Variants in CNTN4 observed in about 807,000 individuals in gnomAD.
The protein encoded by CNTN4 is contactin 4.
CNTN4 carries 77 observed loss-of-function variants against 122.5 expected under a neutral mutation model. That is an observed-to-expected ratio of 0.63 (90% CI 0.52 to 0.76). CNTN4 has a LOEUF of 0.76. Ranked by LOEUF, CNTN4 falls within the 30% of genes least tolerant of loss-of-function variation. The pLI is 0.00. For synonymous variants in CNTN4, 512 were observed against 447.0 expected (o/e 1.15, Z -1.83); for missense variants, 1,256 against 1,259.1 (o/e 1.00, Z 0.04).
intron 3 of CNTN4, among the ~76,000 whole-genome samples, chr3:2,423,959 G>GAGAGATAGC (rs1553645467): frequency 1.3e-4 from 5 of 39,464 alleles, no homozygotes; most frequent in Non-Finnish European, 1.8e-4. Context: ...GGTTTTTTTT[G>GAGAGATAGC]ATTAGGCAAC....
intron 4 of CNTN4, among the ~76,000 whole-genome samples, chr3:2,691,916 A>G (rs1022392877): frequency 6.6e-6 from 1 of 152,196 alleles, no homozygotes; most frequent in South Asian, 2.1e-4. Context: ...ACAGAAATAT[A>G]TGTCAACATA....
chr3:2,960,107 G>T (rs555240171), intron 13 of CNTN4, among the ~76,000 whole-genome samples: 14 of 152,224 alleles, frequency 9.2e-5, no homozygotes, highest in African/African-American at 3.1e-4. Flanking sequence ...ACCTTCTTAG[G>T]TGTGGGTTCT....
intron 6 of CNTN4, among the ~76,000 whole-genome samples, chr3:2,757,024 T>A (rs572896498): frequency 6.6e-6 from 1 of 152,170 alleles, no homozygotes; most frequent in Non-Finnish European, 1.5e-5. Flanking sequence ...TTTAAAAAAA[T>A]CTTTGAATGA....
intron 14 of CNTN4, among the ~76,000 whole-genome samples, chr3:2,995,143 C>A (rs1695418744): frequency 6.6e-6 from 1 of 152,026 alleles, no homozygotes; most frequent in South Asian, 2.1e-4. Flanking sequence ...AATACTAGAT[C>A]CTGTTAGATC....
intron 4 of CNTN4, among the ~76,000 whole-genome samples, chr3:2,648,863 G>C (rs1372093508): frequency 6.6e-6 from 1 of 152,182 alleles, no homozygotes; most frequent in Non-Finnish European, 1.5e-5. Flanking sequence ...AATTCTTGAA[G>C]GAAATTAAAA....
intron 2 of CNTN4, among the ~76,000 whole-genome samples, chr3:2,293,899 T>C (rs1444186933): frequency 6.6e-6 from 1 of 152,204 alleles, no homozygotes; most frequent in Non-Finnish European, 1.5e-5. Flanking sequence ...CCTAAATCAT[T>C]GGCCACTAAT....
At chr3:2,590,387 G>A (rs1576125088) in intron 4 of CNTN4, among the ~76,000 whole-genome samples, 1 of 152,064 alleles carries the variant, frequency 6.6e-6, no homozygotes, top group African/African-American at 2.4e-5. Flanking sequence ...CTCCCCAGTA[G>A]CTGGGATTAC....
chr3:2,345,312 T>C (rs562999448), intron 3 of CNTN4, among the ~76,000 whole-genome samples: 33 of 152,308 alleles, frequency 2.2e-4, no homozygotes, highest in African/African-American at 7.5e-4. Flanking sequence ...AAGTTTGTTT[T>C]TGGAAATTGA....
At chr3:2,878,553 CTGTGTGTGTGTGTG>C (rs60925207) in intron 8 of CNTN4, among the ~76,000 whole-genome samples, 4 of 146,844 alleles carry the variant, frequency 2.7e-5, no homozygotes, top group South Asian at 2.2e-4. Context: ...GAGATGCTCT[CTGTGTGTGTGTGTG>C]TGTGTGTGTG....
At chr3:2,618,159 C>G (rs577843788) in intron 4 of CNTN4, among the ~76,000 whole-genome samples, 1 of 151,932 alleles carries the variant, frequency 6.6e-6, no homozygotes, top group Non-Finnish European at 1.5e-5. Context: ...ATGCTTAGAA[C>G]CATCCTGGCA....
At chr3:2,337,874 A>C (rs1012872555) in intron 2 of CNTN4, among the ~76,000 whole-genome samples, 1 of 152,088 alleles carries the variant, frequency 6.6e-6, no homozygotes, top group Non-Finnish European at 1.5e-5. Context: ...CTGGAGTTGC[A>C]AATGGTGCCA....
intron 2 of CNTN4, among the ~76,000 whole-genome samples, chr3:2,182,315 T>C (rs2149288224): frequency 6.6e-6 from 1 of 152,080 alleles, no homozygotes; most frequent in South Asian, 2.1e-4. Flanking sequence ...CATATATATC[T>C]ATCCTTGGAT....
At chr3:2,544,496 A>C (rs2078160197) in intron 3 of CNTN4, among the ~76,000 whole-genome samples, 1 of 152,158 alleles carries the variant, frequency 6.6e-6, no homozygotes, top group Non-Finnish European at 1.5e-5. Context: ...GTGAGGATAC[A>C]TTTTAATTAA....
rs2092975768 is a variant in CNTN4, at chr3:2,825,855, C to A, written c.454+6274C>A. Among the ~76,000 whole-genome samples the A allele has an allele frequency of 1.3e-5, 2 of 152,158 alleles. 1 individual carries two copies. The highest frequency in any genetic ancestry group is 2.9e-5 in the Non-Finnish European group (2 of 68,022). On this transcript the variant is annotated intron_variant, in intron 7 of 24. Coordinates refer to ENST00000418658, the MANE Select transcript of CNTN4 (RefSeq NM_175607.3). ...TTATTACGGGTTTTGGAGAAACTAG[C>A]TAAAATTTTCATCTTTAGATTTTTC... is the stretch of plus-strand genomic sequence containing the variant.
At chr3:3,054,958 T>C (rs1272597167) in intron 24 of CNTN4, among the ~76,000 whole-genome samples, 1 of 152,206 alleles carries the variant, frequency 6.6e-6, no homozygotes, top group Non-Finnish European at 1.5e-5. Context: ...GCTGGAGGTA[T>C]AAATTTTCAA....
intron 2 of CNTN4, among the ~76,000 whole-genome samples, chr3:2,199,531 A>G (rs530566694): frequency 6.6e-6 from 1 of 152,312 alleles, no homozygotes; most frequent in East Asian, 1.9e-4. Context: ...CTCCATGAGT[A>G]CAGGGAGTCA....
intron 4 of CNTN4, among the ~76,000 whole-genome samples, chr3:2,579,200 AG>A (rs1190500900): frequency 6.6e-6 from 1 of 152,232 alleles, no homozygotes; most frequent in Non-Finnish European, 1.5e-5. Context: ...GATAGAGTCT[AG>A]GGCGTATTGT....
chr3:2,815,663 A>G (rs1344552930), intron 6 of CNTN4, among the ~76,000 whole-genome samples: 1 of 152,150 alleles, frequency 6.6e-6, no homozygotes, highest in African/African-American at 2.4e-5. Context: ...GCCACTATGG[A>G]AAACAGTGTG....
chr3:2,308,568 G>A (rs920874987), intron 2 of CNTN4, among the ~76,000 whole-genome samples: 1 of 151,870 alleles, frequency 6.6e-6, no homozygotes, highest in Non-Finnish European at 1.5e-5. Flanking sequence ...CATCTTTTAA[G>A]TTTTGGCATA....
Sources: gnomAD v4.1 joint callset for allele counts (sites outside exome capture counted in the v4.1 genomes callset) on GRCh38, gnomAD v4.1.1 for gene constraint, MANE v1.5 for transcripts, NCBI Gene and HGNC (gene_info 2026-07-23, HGNC 2026-07-21) for gene names.